The following TDRD6 variants were observed in gnomAD, a reference collection of about 807,000 sequenced individuals.
TDRD6 encodes tudor domain containing 6.
A neutral mutation model predicts 157.5 loss-of-function variants in TDRD6; 186 were observed. The observed-to-expected ratio is 1.18, with a 90% confidence interval of 1.05 to 1.33. The LOEUF is 1.33. Among genes scored for constraint, TDRD6 ranks in the 40% most tolerant of loss-of-function variants. The pLI, the probability that TDRD6 is intolerant of heterozygous loss-of-function variation, is 0.00. For missense variants in TDRD6, 3,066 were observed against 2,508.0 expected, an observed-to-expected ratio of 1.22 and a Z score of -4.75; for synonymous variants, 1,075 against 945.2, an observed-to-expected ratio of 1.14 and a Z score of -2.52.
Position 46,689,721 on chromosome 6 carries a change from T to C in TDRD6, c.1593T>C (p.Asp531=). 3 of 1,614,246 alleles carry C rather than the reference T, an allele frequency of 1.9e-6. No individual in the cohort carries two copies. Among genetic ancestry groups the C allele is most frequent in the Non-Finnish European group, 2.5e-6 (3 of 1,180,048 alleles). ...TCTATTCCTCTGCCAGTAAGCTGGA[T>C]GGTGTAGTTTTGAAACCTGAACCTG... ...CGFYSSASKL[D]GVVLKPEPDD... is the part of the protein sequence containing the mutation. Residue 531 remains aspartate, a synonymous_variant, in exon 1 of 4, where the codon GAT becomes GAC. Transcript: ENST00000316081.
At chr6:46,701,784 T>A in intron 3 of TDRD6, 74 bp from the exon 4 acceptor site, 1 of 1,466,488 alleles carries the variant, frequency 6.8e-7, no homozygotes, top group African/African-American at 1.4e-5. Context: ...TTTGTCATGG[T>A]AACACCCATG....
At chr6:46,696,881 G>A (rs948127621) in intron 2 of TDRD6, among the ~76,000 whole-genome samples, 1 of 151,640 alleles carries the variant, frequency 6.6e-6, no homozygotes, top group African/African-American at 2.4e-5. Flanking sequence ...AAAGTGCTGG[G>A]ATTACAGGCA....
At position 46,690,338 on chromosome 6, in the gene TDRD6, T is replaced by C; in HGVS notation, c.2210T>C (p.Val737Ala). ...TVVTNGSTEL[V>A]VQEKVKRASV... is the part of the protein sequence containing the mutation. ...GTAACAAATGGTTCAACTGAACTAGTTGTGCAGGAAAAAGTGAAAAGAGCA... is the reference window on the plus strand; with the variant it reads ...GTAACAAATGGTTCAACTGAACTAGCTGTGCAGGAAAAAGTGAAAAGAGCA... Residue 737 changes from valine to alanine, a missense_variant, in exon 1 of 4, where the codon GTT becomes GCT. Coordinates refer to ENST00000316081, the MANE Select transcript of TDRD6 (RefSeq NM_001010870.3). 1 of 1,613,396 alleles carries C rather than the reference T, an allele frequency of 6.2e-7. No homozygotes were observed. The highest frequency in any genetic ancestry group is 8.5e-7 in the Non-Finnish European group (1 of 1,179,968).
rs1158907935 is a variant in TDRD6 at position 46,692,569 on chromosome 6, G to GA, written c.4446dup (p.Ser1483IlefsTer11). 6.2e-7 allele frequency: 1 copy of GA among 1,613,586 alleles called. No individual in the cohort carries two copies. The highest frequency in any genetic ancestry group is 8.5e-7 in the Non-Finnish European group (1 of 1,179,938). On this transcript the variant is annotated frameshift_variant, in exon 1 of 4. Transcript: ENST00000316081. LOFTEE classifies it high-confidence loss of function. ...TATGATTAGCAGGTATGCTCTCAGT[G>GA]AAAAATCTCAAGTAGAACTTTCTAC...
Position 46,690,684 on chromosome 6 carries a change from A to C in TDRD6, c.2556A>C (p.Val852=), listed in dbSNP as rs529149137. 3 of 1,614,072 alleles carry C rather than the reference A, an allele frequency of 1.9e-6. No homozygotes were observed. Among genetic ancestry groups the C allele is most frequent in the Non-Finnish European group, 2.5e-6 (3 of 1,180,032 alleles). The part of the protein sequence containing the change: ...QSVEHVNVTF[V]DYGDREMVSV... ...TGGAGCATGTCAATGTAACATTTGT[A>C]GATTATGGAGACAGAGAAATGGTAT... The change falls in exon 1 of 4, where the codon GTA becomes GTC. Residue 852 remains valine (V), a synonymous_variant. Transcript: ENST00000316081.
upstream of TDRD6, among the ~76,000 whole-genome samples, chr6:46,687,149 C>T (rs559777591): frequency 4.6e-5 from 7 of 152,146 alleles, no homozygotes; most frequent in Non-Finnish European, 1.0e-4. Context: ...ACAGAGGCCT[C>T]AAAGGGTTAT....
chr6:46,688,185 C>T lies in TDRD6; in HGVS notation c.57C>T (p.Ser19=). 1.3e-6 allele frequency: 2 copies of T among 1,551,296 alleles called. No homozygotes were observed. Among genetic ancestry groups the T allele is most frequent in the Non-Finnish European group, 1.7e-6 (2 of 1,154,818 alleles). Reference sequence around the variant, plus strand: ...GGGCCTCGCTGGCCCTGCGGGTGTCCTTCGTGGACGTGCATCCCGATGTGA... The same window carrying T: ...GGGCCTCGCTGGCCCTGCGGGTGTCTTTCGTGGACGTGCATCCCGATGTGA... ...APGASLALRV[S]FVDVHPDVIP... Residue 19 remains serine, a synonymous_variant, in exon 1 of 4, where the codon TCC becomes TCT. Transcript: ENST00000316081.
chr6:46,689,961 T>G lies in TDRD6; in HGVS notation c.1833T>G (p.Thr611=). 1.2e-6 allele frequency: 2 copies of G among 1,613,914 alleles called. No individual in the cohort carries two copies. Among genetic ancestry groups the G allele is most frequent in the Middle Eastern group, 1.6e-4 (1 of 6,062 alleles). Reference sequence around the variant, plus strand: ...CTGATATTTGGCCTTTGGGAAAAACTTGGAGCCAGGAGGCAGTTTCCTTTT... The same window carrying G: ...CTGATATTTGGCCTTTGGGAAAAACGTGGAGCCAGGAGGCAGTTTCCTTTT... The part of the protein sequence containing the change: ...TLADIWPLGK[T]WSQEAVSFFK... Residue 611 remains threonine (T), a synonymous_variant, in exon 1 of 4, where the codon ACT becomes ACG. Coordinates refer to ENST00000316081, the MANE Select transcript of TDRD6 (RefSeq NM_001010870.3).
rs1187864259 is a variant in TDRD6, at chr6:46,689,151, C to T, written c.1023C>T (p.Ala341=). Residue 341 remains alanine (A), a synonymous_variant, in exon 1 of 4, where the codon GCC becomes GCT. Transcript: ENST00000316081. ...AGACTTTTCGGCCCCAGCGCTGTGCCCAGGTGCTTCATGTGGACTATGGAA... is the reference window on the plus strand; with the variant it reads ...AGACTTTTCGGCCCCAGCGCTGTGCTCAGGTGCTTCATGTGGACTATGGAA... ...LLETFRPQRC[A]QVLHVDYGRK... is the part of the protein sequence containing the mutation. 2 of 1,614,172 alleles carry T rather than the reference C, an allele frequency of 1.2e-6. No individual in the cohort carries two copies. The highest frequency in any genetic ancestry group is 1.7e-6 in the Non-Finnish European group (2 of 1,180,044).
At position 46,692,025 on chromosome 6, in the gene TDRD6, G is replaced by A; in HGVS notation, c.3897G>A (p.Lys1299=). Residue 1299 remains lysine (K), a synonymous_variant, in exon 1 of 4, where the codon AAG becomes AAA. Coordinates refer to ENST00000316081, the MANE Select transcript of TDRD6 (RefSeq NM_001010870.3). ...TGAAATTTTGTGAGTTCCCACAGAA[G>A]ACTATAATGCCTGGATTTAAAACAA... ...LPLKFCEFPQ[K]TIMPGFKTTV... is the part of the protein sequence containing the mutation. 6.2e-7 allele frequency: 1 copy of A among 1,613,720 alleles called. No homozygotes were observed. Among genetic ancestry groups the A allele is most frequent in the Non-Finnish European group, 8.5e-7 (1 of 1,179,902 alleles).
chr6:46,693,145 G>T lies in TDRD6; in HGVS notation c.5017G>T (p.Asp1673Tyr), dbSNP rs570561726. 6.2e-7 allele frequency: 1 copy of T among 1,610,942 alleles called. No individual in the cohort carries two copies. Among genetic ancestry groups the T allele is most frequent in the Non-Finnish European group, 8.5e-7 (1 of 1,178,908 alleles). Residue 1673 changes from aspartate (D) to tyrosine (Y), a missense_variant, in exon 1 of 4, where the codon GAT (aspartate) becomes TAT (tyrosine). Coordinates refer to ENST00000316081, the MANE Select transcript of TDRD6 (RefSeq NM_001010870.3). ...LEITILEIRR[D>Y]VCDIPLAIVD... ...AATAACAATACTAGAAATCAGAAGG[G>T]ATGTTTGTGATATCCCTTTAGCAAT...
rs1397512785 is a variant in TDRD6, at chr6:46,692,959, T to C, written c.4831T>C (p.Cys1611Arg). 3 of 1,613,318 alleles carry C rather than the reference T, an allele frequency of 1.9e-6. No individual in the cohort carries two copies. The highest frequency in any genetic ancestry group is 8.5e-7 in the Non-Finnish European group (1 of 1,179,486). Residue 1611 changes from cysteine to arginine, a missense_variant, in exon 1 of 4, where the codon TGT becomes CGT. Transcript: ENST00000316081. The stretch of plus-strand genomic sequence containing the variant: ...TGTGGACTTTGGAAACATTGAAGAC[T>C]GTGTGGACCCAAAAGCACTCTGGGC... Reference protein sequence around the residue: ...RLVDFGNIEDCVDPKALWAIP... With the variant: ...RLVDFGNIEDRVDPKALWAIP...
chr6:46,700,547 G>C (rs1035102733), intron 3 of TDRD6, among the ~76,000 whole-genome samples: 4 of 152,024 alleles, frequency 2.6e-5, no homozygotes, highest in Non-Finnish European at 1.5e-5. Context: ...AGAGTATTTT[G>C]TTAGTTACTG....
At position 46,691,925 on chromosome 6, in the gene TDRD6, C is replaced by G. The variant is rs146723237; in HGVS notation, c.3797C>G (p.Pro1266Arg). The G allele has an allele frequency of 5.7e-5, 91 of 1,603,334 alleles. No individual in the cohort carries two copies. In the African/African-American group the frequency reaches 1.1e-3, roughly 20 times the overall value. ...EKKEEISAET[P>R]LKTARVEATL... The stretch of plus-strand genomic sequence containing the variant: ...AAAGAAGAAATTTCTGCTGAGACAC[C>G]CTTGAAAACAGCAAGAGTAGAAGCT... Residue 1266 changes from proline to arginine, a missense_variant, in exon 1 of 4, where the codon CCC (proline) becomes CGC (arginine). Transcript: ENST00000316081.
chr6:46,697,029 C>T (rs1360983726), intron 2 of TDRD6, among the ~76,000 whole-genome samples: 1 of 152,012 alleles, frequency 6.6e-6, no homozygotes, highest in Non-Finnish European at 1.5e-5. Flanking sequence ...AGCCCCTGGC[C>T]TGGAACATAA....
Position 46,689,237 on chromosome 6 carries a change from C to T in TDRD6, c.1109C>T (p.Pro370Leu). The T allele has an allele frequency of 6.2e-7, 1 of 1,614,066 alleles. No homozygotes were observed. The highest frequency in any genetic ancestry group is 8.5e-7 in the Non-Finnish European group (1 of 1,180,006). ...TTGCTGCCTGAATATTTTCGAATGC[C>T]GGTGGTGACCTACCCTTGTGCTTTG... is the stretch of plus-strand genomic sequence containing the variant. ...RYLLPEYFRM[P>L]VVTYPCALYG... Residue 370 changes from proline to leucine, a missense_variant, in exon 1 of 4, where the codon CCG becomes CTG. Coordinates refer to ENST00000316081, the MANE Select transcript of TDRD6 (RefSeq NM_001010870.3).
At chr6:46,699,264 A>G (rs1170429793) in intron 3 of TDRD6, among the ~76,000 whole-genome samples, 1 of 152,174 alleles carries the variant, frequency 6.6e-6, no homozygotes, top group Non-Finnish European at 1.5e-5. Context: ...TCCACCACAC[A>G]GTTCTGTTTG....
At chr6:46,699,095 A>C (rs1283317732) in intron 3 of TDRD6, among the ~76,000 whole-genome samples, 1 of 152,314 alleles carries the variant, frequency 6.6e-6, no homozygotes, top group East Asian at 1.9e-4. Context: ...CCTGAGACTT[A>C]GAGTTCACAT....
Position 46,688,980 on chromosome 6 carries a change from C to G in TDRD6, c.852C>G (p.Ala284=). The change falls in exon 1 of 4, where the codon GCC becomes GCG. Residue 284 remains alanine (A), a synonymous_variant. Transcript: ENST00000316081. ...TCCACCGCCTCTCCGAGAGCATGGC[C>G]CAGGTATACCGGGGTTCCACGGGGA... The part of the protein sequence containing the change: ...QEIHRLSESM[A]QVYRGSTGTG... 6.2e-7 allele frequency: 1 copy of G among 1,613,694 alleles called. No individual in the cohort carries two copies. The highest frequency in any genetic ancestry group is 8.5e-7 in the Non-Finnish European group (1 of 1,179,790).
Sources: gnomAD v4.1 joint callset for allele counts (sites outside exome capture counted in the v4.1 genomes callset) on GRCh38, gnomAD v4.1.1 for gene constraint, MANE v1.5 for transcripts, NCBI Gene and HGNC (gene_info 2026-07-23, HGNC 2026-07-21) for gene names.